RPS6KC1: variants seen among roughly 807,000 people sequenced by gnomAD.
RPS6KC1 encodes the protein inactive ribosomal protein S6 kinase delta-1.
Under a neutral mutation model 103.8 loss-of-function variants are expected in RPS6KC1, and 54 were observed. That is an observed-to-expected ratio of 0.52 (90% CI 0.42 to 0.65). The LOEUF (loss-of-function observed/expected upper bound fraction) is 0.65, where lower values mean the gene tolerates loss of function less well. RPS6KC1 is among the 30% of genes least tolerant of loss of function. The probability of loss-of-function intolerance (pLI) is 0.00; values close to 1 mark genes in which losing one functional copy is unlikely to be tolerated. For synonymous variants in RPS6KC1, 439 were observed against 438.7 expected, an observed-to-expected ratio of 1.00 and a Z score of -0.01; for missense variants, 1,151 against 1,253.8, an observed-to-expected ratio of 0.92 and a Z score of 1.24.
the RPS6KC1 span, among the ~76,000 whole-genome samples, chr1:213,410,411 G>T: frequency 6.6e-6 from 1 of 152,146 alleles, no homozygotes; most frequent in Non-Finnish European, 1.5e-5. Flanking sequence ...CTTAGGGAGT[G>T]CTTGTTCCAG....
chr1:213,283,236 A>G, the RPS6KC1 span, among the ~76,000 whole-genome samples: 6 of 152,220 alleles, frequency 3.9e-5, no homozygotes, highest in African/African-American at 7.2e-5. Context: ...AGAAGAAGCA[A>G]AAATTAGCTC....
At chr1:213,284,703 A>G in the RPS6KC1 span, among the ~76,000 whole-genome samples, 1 of 152,148 alleles carries the variant, frequency 6.6e-6, no homozygotes, top group South Asian at 2.1e-4. Flanking sequence ...CTGAACTAAT[A>G]AAAACTAATT....
the RPS6KC1 span, among the ~76,000 whole-genome samples, chr1:213,691,727 T>C: frequency 2.0e-5 from 3 of 152,152 alleles, no homozygotes; most frequent in Non-Finnish European, 2.9e-5. Context: ...ATTTGGCTAG[T>C]GGAGATGTTA....
At chr1:213,224,092 A>G (rs573671809) in intron 8 of RPS6KC1, among the ~76,000 whole-genome samples, 2 of 152,338 alleles carry the variant, frequency 1.3e-5, no homozygotes, top group African/African-American at 4.8e-5. Flanking sequence ...TCATAGTAGC[A>G]TATCTCTTTT....
chr1:213,068,614 A>G (rs1266047441), intron 1 of RPS6KC1, among the ~76,000 whole-genome samples: 1 of 151,968 alleles, frequency 6.6e-6, no homozygotes, highest in Non-Finnish European at 1.5e-5. Flanking sequence ...AGCTAAAATC[A>G]AAGATTTGAA....
chr1:213,609,356 C>T, the RPS6KC1 span, among the ~76,000 whole-genome samples: 1 of 152,200 alleles, frequency 6.6e-6, no homozygotes. Context: ...TGGCCACCTC[C>T]TTTCTCACTT....
At chr1:213,738,409 A>G in the RPS6KC1 span, among the ~76,000 whole-genome samples, 1 of 152,168 alleles carries the variant, frequency 6.6e-6, no homozygotes, top group Non-Finnish European at 1.5e-5. Flanking sequence ...CAAGAGAGAA[A>G]GTGGATGTAG....
rs143651562 is a variant in RPS6KC1, at chr1:213,207,618, C to T, written c.1045-22879C>T. Among the ~76,000 whole-genome samples the T allele has an allele frequency of 9.2e-5, 14 of 152,166 alleles. No homozygotes were observed. The East Asian group carries it at 1.9e-3, about 21-fold the overall frequency. On this transcript the variant is annotated intron_variant, in intron 8 of 14. Transcript: ENST00000366960. ...AGTCATTTGTCCCTTCTTAGAGTCT[C>T]ATATTTTGTGTGGCTCCCCTGCACA...
chr1:213,324,593 C>CTTTTTTTTTTTTTTTTTTTTTTTTTTTTT, the RPS6KC1 span, among the ~76,000 whole-genome samples: 1 of 81,822 alleles, frequency 1.2e-5, no homozygotes. Flanking sequence ...GCTCGATATG[C>CTTTTTTTTTTTTTTTTTTTTTTTTTTTTT]TTTTTTTTTT....
chr1:213,436,676 C>A, the RPS6KC1 span, among the ~76,000 whole-genome samples: 223 of 152,234 alleles, frequency 1.5e-3, no homozygotes, highest in African/African-American at 4.6e-3. Flanking sequence ...CATTCTCTAA[C>A]TCTTCTCAGT....
the RPS6KC1 span, among the ~76,000 whole-genome samples, chr1:213,833,911 G>C: frequency 5.3e-5 from 8 of 152,144 alleles, no homozygotes; most frequent in African/African-American, 1.7e-4. Context: ...TCTTTGAAAG[G>C]CTCATGCATT....
At chr1:213,144,779 TA>T (rs1030609970) in intron 6 of RPS6KC1, among the ~76,000 whole-genome samples, 7 of 151,000 alleles carry the variant, frequency 4.6e-5, no homozygotes, top group African/African-American at 1.5e-4. Context: ...GTAGTCACAT[TA>T]AAAAAAAAGA....
intron 8 of RPS6KC1, among the ~76,000 whole-genome samples, chr1:213,216,248 C>G (rs2093656071): frequency 6.6e-6 from 1 of 152,154 alleles, no homozygotes; most frequent in African/African-American, 2.4e-5. Flanking sequence ...ATAAAACAGA[C>G]TTTTAACCAA....
At chr1:213,405,619 A>C in the RPS6KC1 span, among the ~76,000 whole-genome samples, 1 of 152,328 alleles carries the variant, frequency 6.6e-6, no homozygotes, top group Non-Finnish European at 1.5e-5. Context: ...TTGGAAAAAC[A>C]AAAGCTTTTC....
chr1:213,103,620 T>G (rs7542653), intron 3 of RPS6KC1, among the ~76,000 whole-genome samples: 1 of 152,174 alleles, frequency 6.6e-6, no homozygotes, highest in African/African-American at 2.4e-5. Flanking sequence ...CTTGCCTATA[T>G]AACTAGGAAT....
the RPS6KC1 span, among the ~76,000 whole-genome samples, chr1:213,549,495 G>C: frequency 6.6e-6 from 1 of 151,926 alleles, no homozygotes; most frequent in Non-Finnish European, 1.5e-5. Flanking sequence ...TATAAAGAAG[G>C]GCCAAAGAAA....
intron 8 of RPS6KC1, among the ~76,000 whole-genome samples, chr1:213,209,630 G>A (rs1482561662): frequency 7.2e-6 from 1 of 138,760 alleles, no homozygotes; most frequent in Non-Finnish European, 1.5e-5. Flanking sequence ...GGGAGGTGGA[G>A]GTTGCAATGA....
chr1:213,503,566 A>T, the RPS6KC1 span, among the ~76,000 whole-genome samples: 2 of 152,194 alleles, frequency 1.3e-5, no homozygotes, highest in African/African-American at 2.4e-5. Flanking sequence ...TTCTCACATC[A>T]TTGTTCTACA....
the RPS6KC1 span, among the ~76,000 whole-genome samples, chr1:213,700,013 G>C: frequency 6.6e-6 from 1 of 151,338 alleles, no homozygotes; most frequent in African/African-American, 2.4e-5. Flanking sequence ...TTTTCACTTT[G>C]TTGATTGTTT....
Sources: gnomAD v4.1 joint callset for allele counts (sites outside exome capture counted in the v4.1 genomes callset) on GRCh38, gnomAD v4.1.1 for gene constraint, MANE v1.5 for transcripts, NCBI Gene and HGNC (gene_info 2026-07-23, HGNC 2026-07-21) for gene names.